The following PTPDC1 variants were observed in gnomAD, a reference collection of about 807,000 sequenced individuals.
PTPDC1 encodes the protein protein tyrosine phosphatase domain-containing protein 1.
A neutral mutation model predicts 75.3 loss-of-function variants in PTPDC1; 53 were observed. That is an observed-to-expected ratio of 0.70 (90% CI 0.56 to 0.88). PTPDC1 has a LOEUF of 0.88. Among genes scored for constraint, PTPDC1 ranks in the 40% least tolerant of loss-of-function variants. The probability of loss-of-function intolerance (pLI) is 0.00; values close to 1 mark genes in which losing one functional copy is unlikely to be tolerated. For missense variants in PTPDC1, 925 were observed against 998.6 expected (o/e 0.93, Z 0.99); for synonymous variants, 349 against 366.2 (o/e 0.95, Z 0.54).
chr9:94,044,748 A>T (rs1825536703), intron 1 of PTPDC1, among the ~76,000 whole-genome samples: 1 of 141,968 alleles, frequency 7.0e-6, no homozygotes, highest in Non-Finnish European at 1.5e-5. Flanking sequence ...GTCTTATTAC[A>T]CTTAGCTAGG....
chr9:94,045,091 G>A (rs1825551406), intron 1 of PTPDC1, among the ~76,000 whole-genome samples: 1 of 146,848 alleles, frequency 6.8e-6, no homozygotes, highest in Admixed American at 7.0e-5. Context: ...AGAACACGCG[G>A]TGTTTGGTTT....
intron 1 of PTPDC1, among the ~76,000 whole-genome samples, chr9:94,050,007 G>A (rs570572351): frequency 1.1e-4 from 17 of 152,042 alleles, no homozygotes; most frequent in Admixed American, 2.6e-4. Flanking sequence ...TGATCGAATC[G>A]GCTACTGAGG....
At position 94,064,732 on chromosome 9, in the gene PTPDC1, A is replaced by G. The variant is rs1317365475; in HGVS notation, c.-6-2A>G. 6.2e-7 allele frequency: 1 copy of G among 1,609,564 alleles called. No individual in the cohort carries two copies. The highest frequency in any genetic ancestry group is 1.1e-5 in the South Asian group (1 of 90,396). On this transcript the variant is annotated splice_acceptor_variant, in intron 1 of 9. Transcript: ENST00000375360. LOFTEE classifies it low-confidence loss of function (5UTR_SPLICE). ...TTCAAAAAATAATTTTTTTTCCAAC[A>G]GACTACCATGGCTGCAGGAGTCTTG...
At chr9:94,046,769 T>A (rs1564009979) in intron 1 of PTPDC1, among the ~76,000 whole-genome samples, 2 of 152,208 alleles carry the variant, frequency 1.3e-5, no homozygotes, top group Admixed American at 6.5e-5. Flanking sequence ...GTTTTCTAGA[T>A]ATACAATCAT....
chr9:94,074,665 A>G (rs1035866564), intron 2 of PTPDC1, among the ~76,000 whole-genome samples: 1 of 152,136 alleles, frequency 6.6e-6, no homozygotes, highest in African/African-American at 2.4e-5. Flanking sequence ...AATGTTGACT[A>G]TCCTGCTTCA....
exon 2 of PTPDC1, chr9:94,064,797 A>G (rs1470320507): frequency 1.2e-6 from 2 of 1,613,244 alleles, no homozygotes; most frequent in Non-Finnish European, 1.7e-6. Flanking sequence ...GGTGAATAAC[A>G]GCGAGTGTGT....
intron 1 of PTPDC1, among the ~76,000 whole-genome samples, chr9:94,035,322 C>T (rs1175757897): frequency 6.6e-6 from 1 of 152,224 alleles, no homozygotes; most frequent in Admixed American, 6.5e-5. Flanking sequence ...CCTTCATCTT[C>T]CTATTCCTCC....
intron 6 of PTPDC1, among the ~76,000 whole-genome samples, chr9:94,098,897 G>A (rs1443579025): frequency 5.9e-5 from 9 of 152,318 alleles, no homozygotes; most frequent in Admixed American, 3.9e-4. Context: ...GACAGCATTC[G>A]AAACTGACTA....
intron 2 of PTPDC1, among the ~76,000 whole-genome samples, chr9:94,070,128 T>G (rs996672265): frequency 6.6e-6 from 1 of 152,200 alleles, no homozygotes; most frequent in Admixed American, 6.5e-5. Context: ...TGGCCAATAC[T>G]TTCAATTCTA....
At chr9:94,084,378 G>A, upstream of PTPDC1, 1 of 1,277,124 alleles carries the variant, frequency 7.8e-7, no homozygotes. Flanking sequence ...GGAATCAGTA[G>A]TTTCTTTGTT....
intron 4 of PTPDC1, among the ~76,000 whole-genome samples, chr9:94,090,592 A>C (rs1827277191): frequency 8.9e-5 from 10 of 112,946 alleles, no homozygotes; most frequent in Non-Finnish European, 5.3e-5. Flanking sequence ...TGAACTTTAA[A>C]GTAGTTTTTT....
chr9:94,105,012 C>T (rs1827966460), intron 8 of PTPDC1, among the ~76,000 whole-genome samples: 1 of 152,202 alleles, frequency 6.6e-6, no homozygotes, highest in Admixed American at 6.5e-5. Context: ...TGTTACCTCT[C>T]ATTGATATGA....
chr9:94,058,980 G>A (rs141362740), intron 1 of PTPDC1, among the ~76,000 whole-genome samples: 1 of 152,266 alleles, frequency 6.6e-6, no homozygotes, highest in Non-Finnish European at 1.5e-5. Flanking sequence ...AATAGAATGA[G>A]ACTCTGTCTC....
chr9:94,054,794 C>T (rs1240163987), intron 1 of PTPDC1, among the ~76,000 whole-genome samples: 1 of 152,132 alleles, frequency 6.6e-6, no homozygotes, highest in African/African-American at 2.4e-5. Flanking sequence ...CAGGAAATCC[C>T]CAAATGGGCC....
intron 1 of PTPDC1, among the ~76,000 whole-genome samples, chr9:94,049,733 T>A (rs1363953368): frequency 6.6e-6 from 1 of 152,218 alleles, no homozygotes; most frequent in Non-Finnish European, 1.5e-5. Flanking sequence ...TGGCGTTCTC[T>A]GTATTTCCTG....
intron 2 of PTPDC1, among the ~76,000 whole-genome samples, chr9:94,074,831 G>A (rs146906655): frequency 4.7e-4 from 72 of 152,266 alleles, no homozygotes; most frequent in Middle Eastern, 3.4e-3. Flanking sequence ...CCAATTGAAT[G>A]TGGAGGTTTG....
chr9:94,092,542 G>GA lies in PTPDC1; in HGVS notation c.617-2768dup, dbSNP rs1231334210. ...TTTGGAATAGGTGTGGTGTGGTGCT[G>GA]AAAAAAATGTATATTCTGTTGATAT... On this transcript the variant is annotated intron_variant, in intron 4 of 8. Transcript: ENST00000620992. Among the ~76,000 whole-genome samples the GA allele has an allele frequency of 2.4e-3, 364 of 151,248 alleles. 2 individuals carry two copies. Among genetic ancestry groups the GA allele is most frequent in the African/African-American group, 8.3e-3 (341 of 41,110 alleles).
intron 2 of PTPDC1, among the ~76,000 whole-genome samples, chr9:94,072,218 C>T (rs1826534779): frequency 1.3e-5 from 2 of 152,302 alleles, no homozygotes; most frequent in South Asian, 4.1e-4. Flanking sequence ...GTTGCCCAGG[C>T]TGGTCTCAAA....
At chr9:94,068,222 A>G (rs1011988863) in intron 2 of PTPDC1, among the ~76,000 whole-genome samples, 4 of 152,178 alleles carry the variant, frequency 2.6e-5, no homozygotes, top group Admixed American at 2.0e-4. Flanking sequence ...AAAAGCACAC[A>G]AAAGAACTCC....
Sources: allele counts gnomAD v4.1 joint callset (sites outside exome capture counted in the v4.1 genomes callset), GRCh38; gene constraint gnomAD v4.1.1; transcripts MANE v1.5; gene names NCBI Gene and HGNC (gene_info 2026-07-23, HGNC 2026-07-21).